Variants in PARD3 observed in about 807,000 individuals in gnomAD.
The protein encoded by PARD3 is par-3 family cell polarity regulator, also known as partitioning defective 3 homolog.
PARD3 carries 75 observed loss-of-function variants against 155.4 expected under a neutral mutation model. That is an observed-to-expected ratio of 0.48 (90% confidence interval 0.40 to 0.58). The LOEUF (loss-of-function observed/expected upper bound fraction) is 0.58. PARD3 is among the 20% of genes least tolerant of loss of function. The pLI, the probability that PARD3 is intolerant of heterozygous loss-of-function variation, is 0.00. For missense variants in PARD3, 1,642 were observed against 1,721.7 expected, an observed-to-expected ratio of 0.95 and a Z score of 0.82; for synonymous variants, 576 against 610.5, an observed-to-expected ratio of 0.94 and a Z score of 0.83.
chr10:34,506,651 T>G (rs1225204746), intron 3 of PARD3, among the ~76,000 whole-genome samples: 1 of 152,226 alleles, frequency 6.6e-6, no homozygotes, highest in Non-Finnish European at 1.5e-5. Flanking sequence ...GGTGATCACT[T>G]ACATGTTATT....
intron 22 of PARD3, among the ~76,000 whole-genome samples, chr10:34,215,167 G>C (rs1361177689): frequency 2.0e-5 from 3 of 152,128 alleles, no homozygotes; most frequent in Non-Finnish European, 4.4e-5. Flanking sequence ...GTATAAAATG[G>C]AAAAGAATGG....
intron 2 of PARD3, among the ~76,000 whole-genome samples, chr10:34,559,480 G>C (rs1052498461): frequency 4.0e-5 from 6 of 149,956 alleles, no homozygotes; most frequent in Non-Finnish European, 1.5e-5. Flanking sequence ...GAAACTACAA[G>C]CCACTAGGCC....
chr10:34,660,720 T>A (rs990463610), intron 2 of PARD3, among the ~76,000 whole-genome samples: 6 of 152,150 alleles, frequency 3.9e-5, no homozygotes, highest in African/African-American at 1.4e-4. Context: ...CCACTAGGCA[T>A]CCTTTTGGCT....
rs192844260 is a variant in PARD3 at position 34,248,969 on chromosome 10, C to T, written c.3419+20688G>A. On this transcript the variant is annotated intron_variant, in intron 22 of 24. Transcript: ENST00000374788. Reference sequence around the variant, plus strand: ...TTAAATGGTGGTTAAAATCTCTTAACACATAAGAGTTCTTTTAATTCTCCA... The same window carrying T: ...TTAAATGGTGGTTAAAATCTCTTAATACATAAGAGTTCTTTTAATTCTCCA... Among the ~76,000 whole-genome samples, 23 of 152,242 alleles carry T rather than the reference C, an allele frequency of 1.5e-4. No homozygotes were observed. In the East Asian group the frequency reaches 4.4e-3, roughly 29 times the overall value.
At chr10:34,802,247 C>CAT (rs1015257967) in intron 1 of PARD3, among the ~76,000 whole-genome samples, 1 of 151,136 alleles carries the variant, frequency 6.6e-6, no homozygotes, top group African/African-American at 2.4e-5. Flanking sequence ...CTAAATGATG[C>CAT]ATACATACTA....
intron 22 of PARD3, among the ~76,000 whole-genome samples, chr10:34,190,426 T>C (rs1298479879): frequency 6.6e-6 from 1 of 152,228 alleles, no homozygotes; most frequent in Non-Finnish European, 1.5e-5. Context: ...AATAAGTTCA[T>C]TATTGTTCAT....
intron 1 of PARD3, among the ~76,000 whole-genome samples, chr10:34,806,227 C>T (rs1457406118): frequency 2.1e-5 from 3 of 141,340 alleles, no homozygotes; most frequent in Non-Finnish European, 3.1e-5. Flanking sequence ...AGATGAATCT[C>T]CCCATCGCCC....
chr10:34,519,290 T>G (rs2081981079), intron 2 of PARD3, among the ~76,000 whole-genome samples: 1 of 152,164 alleles, frequency 6.6e-6, no homozygotes, highest in Non-Finnish European at 1.5e-5. Context: ...GTGAGTTTCT[T>G]TCTTTTGATA....
chr10:34,581,429 T>A (rs899205953), intron 2 of PARD3, among the ~76,000 whole-genome samples: 1 of 151,812 alleles, frequency 6.6e-6, no homozygotes, highest in Non-Finnish European at 1.5e-5. Flanking sequence ...AGAGCTGGGG[T>A]TTCACCATCT....
chr10:34,283,095 C>A (rs1211509801), intron 21 of PARD3, among the ~76,000 whole-genome samples: 1 of 151,994 alleles, frequency 6.6e-6, no homozygotes, highest in Non-Finnish European at 1.5e-5. Context: ...TGAAAAAATA[C>A]CCAAACACTA....
chr10:34,766,666 T>G (rs1311385392), intron 1 of PARD3, among the ~76,000 whole-genome samples: 1 of 145,790 alleles, frequency 6.9e-6, no homozygotes, highest in Non-Finnish European at 1.5e-5. Context: ...TGAGAGATGT[T>G]GAGAAAATTT....
At chr10:34,409,083 T>C (rs1844787702) in intron 5 of PARD3, among the ~76,000 whole-genome samples, 1 of 152,166 alleles carries the variant, frequency 6.6e-6, no homozygotes, top group Admixed American at 6.6e-5. Flanking sequence ...ACTATTCTTA[T>C]CTCAAGCTAG....
chr10:34,423,711 G>C (rs1054207471), intron 5 of PARD3, among the ~76,000 whole-genome samples: 1 of 151,928 alleles, frequency 6.6e-6, no homozygotes, highest in Non-Finnish European at 1.5e-5. Context: ...CTGAATTTGG[G>C]CATGTTTAAA....
At chr10:34,152,858 A>C (rs1216207959) in intron 22 of PARD3, among the ~76,000 whole-genome samples, 1 of 152,170 alleles carries the variant, frequency 6.6e-6, no homozygotes, top group Non-Finnish European at 1.5e-5. Context: ...TTGTGGGATG[A>C]GTGACAGAAT....
chr10:34,753,426 G>A (rs1199947055), intron 1 of PARD3, among the ~76,000 whole-genome samples: 1 of 152,164 alleles, frequency 6.6e-6, no homozygotes, highest in African/African-American at 2.4e-5. Flanking sequence ...CAAAAGACTA[G>A]ACCACCACAA....
intron 2 of PARD3, among the ~76,000 whole-genome samples, chr10:34,521,725 G>A (rs2082159279): frequency 6.6e-6 from 1 of 152,084 alleles, no homozygotes; most frequent in Admixed American, 6.6e-5. Flanking sequence ...TGAAACATCA[G>A]AACCCCCCAA....
chr10:34,520,091 C>T (rs753823377), intron 2 of PARD3, among the ~76,000 whole-genome samples: 9 of 152,074 alleles, frequency 5.9e-5, no homozygotes, highest in Non-Finnish European at 1.2e-4. Context: ...AAAACAGAAA[C>T]GCGAATGTAC....
In PARD3 at chr10:34,802,106, G is replaced by A. The variant is rs371389784; in HGVS notation, c.120+12770C>T. Among the ~76,000 whole-genome samples, 6 of 152,168 alleles carry A rather than the reference G, an allele frequency of 3.9e-5. No individual in the cohort carries two copies. In the East Asian group the frequency reaches 5.8e-4, roughly 15 times the overall value. ...ATTTCCTTTGAAGTAGCAGTGTTGC[G>A]GCTGCAATTATTTAGGAAGTAACAA... On this transcript the variant is annotated intron_variant, in intron 1 of 24. Coordinates refer to ENST00000374788, the MANE Select transcript of PARD3 (RefSeq NM_001184785.2).
intron 2 of PARD3, among the ~76,000 whole-genome samples, chr10:34,686,824 G>A (rs915338539): frequency 4.6e-5 from 7 of 152,130 alleles, no homozygotes; most frequent in Admixed American, 3.3e-4. Flanking sequence ...TGAGGAGGGT[G>A]GATCAGTTGA....
Sources: gnomAD v4.1 joint callset for allele counts (sites outside exome capture counted in the v4.1 genomes callset) on GRCh38, gnomAD v4.1.1 for gene constraint, MANE v1.5 for transcripts, NCBI Gene and HGNC (gene_info 2026-07-23, HGNC 2026-07-21) for gene names.